NELL2: variants seen among roughly 807,000 people sequenced by gnomAD.
NELL2 encodes protein kinase C-binding protein NELL2.
NELL2 carries 41 observed loss-of-function variants against 109.6 expected under a neutral mutation model. The ratio of observed to expected loss-of-function variants is 0.37; its 90% CI spans 0.29 to 0.49. The LOEUF (loss-of-function observed/expected upper bound fraction) is 0.49. NELL2 is among the 20% of genes least tolerant of loss of function. The pLI is 0.98. For synonymous variants in NELL2, 355 were observed against 344.7 expected, an observed-to-expected ratio of 1.03 and a Z score of -0.33; for missense variants, 900 against 1,008.3, an observed-to-expected ratio of 0.89 and a Z score of 1.45.
intron 15 of NELL2, among the ~76,000 whole-genome samples, chr12:44,599,968 T>G (rs11182551): frequency 0.02 from 2,861 of 146,258 alleles, 83 homozygotes; most frequent in African/African-American, 0.069. Flanking sequence ...CCGTTTTTTT[T>G]TTTTTTTTTT....
chr12:44,768,369 G>A (rs1941416948), intron 9 of NELL2, among the ~76,000 whole-genome samples: 1 of 151,804 alleles, frequency 6.6e-6, no homozygotes. Context: ...GAAGCCTACA[G>A]GATTATCTTG....
intron 15 of NELL2, among the ~76,000 whole-genome samples, chr12:44,594,138 T>C (rs1400514427): frequency 2.6e-5 from 4 of 151,176 alleles, no homozygotes; most frequent in African/African-American, 7.3e-5. Flanking sequence ...CCGGGGCCTG[T>C]TGGGGGTGGC....
chr12:44,550,970 C>T (rs1171930160), intron 15 of NELL2, among the ~76,000 whole-genome samples: 2 of 152,118 alleles, frequency 1.3e-5, no homozygotes, highest in African/African-American at 2.4e-5. Flanking sequence ...GCTAACAATA[C>T]TCTCTTTTAT....
intron 1 of NELL2, among the ~76,000 whole-genome samples, chr12:44,921,042 A>C (rs553685864): frequency 6.6e-6 from 1 of 152,160 alleles, no homozygotes; most frequent in Admixed American, 6.6e-5. Flanking sequence ...ATCTACGTAC[A>C]CACTTTTATA....
chr12:44,578,428 G>C (rs922203961), intron 15 of NELL2, among the ~76,000 whole-genome samples: 2 of 39,212 alleles, frequency 5.1e-5, no homozygotes, highest in Non-Finnish European at 7.8e-5. Flanking sequence ...AATTGATCAA[G>C]ATAGGAAAAA....
At chr12:44,658,466 C>A (rs1947593457) in intron 13 of NELL2, among the ~76,000 whole-genome samples, 1 of 152,076 alleles carries the variant, frequency 6.6e-6, no homozygotes, top group Non-Finnish European at 1.5e-5. Context: ...GAAAAACATT[C>A]CATGCTCATG....
chr12:44,887,635 ATTGT>A (rs898269077), intron 1 of NELL2, among the ~76,000 whole-genome samples: 2 of 141,202 alleles, frequency 1.4e-5, no homozygotes, highest in African/African-American at 5.9e-5. Context: ...TGGGGGGATT[ATTGT>A]GTGTGTGTGT....
intron 3 of NELL2, among the ~76,000 whole-genome samples, chr12:44,791,218 A>ATATATG (rs1342497701): frequency 1.1e-5 from 1 of 93,548 alleles, no homozygotes; most frequent in Non-Finnish European, 2.2e-5. Flanking sequence ...ATATATATAT[A>ATATATG]TATATATATG....
chr12:44,603,926 TG>T (rs1218789150), intron 15 of NELL2, among the ~76,000 whole-genome samples: 1 of 152,156 alleles, frequency 6.6e-6, no homozygotes, highest in African/African-American at 2.4e-5. Flanking sequence ...AGATGGCCAC[TG>T]GGGCTGCACA....
At chr12:44,529,407 T>A (rs139005832) in intron 16 of NELL2, among the ~76,000 whole-genome samples, 1 of 152,268 alleles carries the variant, frequency 6.6e-6, no homozygotes, top group Non-Finnish European at 1.5e-5. Context: ...CTGAGTTGTC[T>A]ATTAGAAGTC....
intron 2 of NELL2, among the ~76,000 whole-genome samples, chr12:44,832,951 G>A (rs537035611): frequency 6.6e-6 from 1 of 152,242 alleles, no homozygotes; most frequent in Non-Finnish European, 1.5e-5. Context: ...AGTGTGGTTT[G>A]AGTATTTTCT....
chr12:44,619,003 A>G (rs941188161), intron 13 of NELL2, among the ~76,000 whole-genome samples: 22 of 152,154 alleles, frequency 1.4e-4, no homozygotes, highest in African/African-American at 5.1e-4. Context: ...ACAAGGCCAG[A>G]CCTTCAGTGC....
intron 13 of NELL2, among the ~76,000 whole-genome samples, chr12:44,644,353 G>A (rs1221668853): frequency 2.6e-5 from 4 of 151,742 alleles, no homozygotes; most frequent in South Asian, 4.2e-4. Flanking sequence ...TCTAGGCAAG[G>A]TAACGAAGAA....
rs540831853 is a variant in NELL2, at chr12:44,661,683, C to T, written c.1444+3801G>A. On this transcript the variant is annotated intron_variant, in intron 13 of 19. Transcript: ENST00000429094. Reference sequence around the variant, plus strand: ...ATCTACCCAATTTAATTAATGCTTACGTGAGTGAACCAAAAAAAGCCATTC... The same window carrying T: ...ATCTACCCAATTTAATTAATGCTTATGTGAGTGAACCAAAAAAAGCCATTC... Among the ~76,000 whole-genome samples the T allele has an allele frequency of 1.1e-4, 16 of 152,254 alleles. No homozygotes were observed. In the East Asian group the frequency reaches 1.9e-3, roughly 18 times the overall value.
At chr12:44,641,622 G>A (rs1014377267) in intron 13 of NELL2, among the ~76,000 whole-genome samples, 7 of 149,826 alleles carry the variant, frequency 4.7e-5, no homozygotes, top group South Asian at 2.1e-4. Flanking sequence ...TTTGGCATCC[G>A]AAAACCTAGT....
rs907817651 is a variant in NELL2 at position 44,745,142 on chromosome 12, G to T, written c.994+29605C>A. ...GCTTCATCCCTGGGATGCAAGGCTG[G>T]TTCAACATATGCAAATCAATAAATG... On this transcript the variant is annotated intron_variant, in intron 9 of 19. Transcript: ENST00000429094. Among the ~76,000 whole-genome samples the T allele has an allele frequency of 8.5e-5, 13 of 152,152 alleles. No individual in the cohort carries two copies. In the East Asian group the frequency reaches 1.5e-3, roughly 18 times the overall value.
At chr12:44,858,926 T>C (rs995556603) in intron 2 of NELL2, among the ~76,000 whole-genome samples, 1 of 151,804 alleles carries the variant, frequency 6.6e-6, no homozygotes, top group Non-Finnish European at 1.5e-5. Context: ...TAAGAGAGAG[T>C]CCTCAGATAT....
At position 44,521,529 on chromosome 12, in the gene NELL2, C is replaced by CAAAAAAAAAAAAAAAAAA. The variant is rs56713964; in HGVS notation, c.2175+470_2175+471insTTTTTTTTTTTTTTTTTT. ...TGGGCGACAGAGCGAGACTCCGTCTCAAAAAAAAAAAAAGAAGGTTGCGGT... is the reference window on the plus strand; with the variant it reads ...TGGGCGACAGAGCGAGACTCCGTCTCAAAAAAAAAAAAAAAAAAAAAAAAAAAAAAAGAAGGTTGCGGT... On this transcript the variant is annotated intron_variant, in intron 18 of 19. Coordinates refer to ENST00000429094, the MANE Select transcript of NELL2 (RefSeq NM_001145108.2). 4.5e-3 allele frequency among the ~76,000 whole-genome samples: 498 copies of CAAAAAAAAAAAAAAAAAA among 110,632 alleles called. 7 individuals are homozygous for CAAAAAAAAAAAAAAAAAA. The highest frequency in any genetic ancestry group is 0.01 in the African/African-American group (246 of 23,932). The allele number at this position is 110,632 out of a possible 152,430, so 72.6% of individuals were successfully genotyped here.
intron 15 of NELL2, among the ~76,000 whole-genome samples, chr12:44,591,214 T>C (rs1040525029): frequency 1.2e-4 from 19 of 152,166 alleles, no homozygotes; most frequent in African/African-American, 4.3e-4. Context: ...GAGAACATTA[T>C]GGAAGTTCCT....
Sources: allele counts gnomAD v4.1 joint callset (sites outside exome capture counted in the v4.1 genomes callset), GRCh38; gene constraint gnomAD v4.1.1; transcripts MANE v1.5; gene names NCBI Gene and HGNC (gene_info 2026-07-23, HGNC 2026-07-21).